Variants in OPCML observed in about 807,000 individuals in gnomAD.
OPCML encodes opioid-binding protein/cell adhesion molecule.
A neutral mutation model predicts 37.8 loss-of-function variants in OPCML; 13 were observed. The ratio of observed to expected loss-of-function variants is 0.34; its 90% CI spans 0.22 to 0.55. The LOEUF is 0.55. OPCML is among the 20% of genes least tolerant of loss of function. OPCML has a pLI of 0.91. For missense variants in OPCML, 341 were observed against 435.6 expected (o/e 0.78, Z 1.93); for synonymous variants, 176 against 168.8 (o/e 1.04, Z -0.33).
chr11:132,428,498 T>G (rs976533278), intron 7 of OPCML, among the ~76,000 whole-genome samples: 18 of 152,202 alleles, frequency 1.2e-4, no homozygotes, highest in African/African-American at 4.1e-4. Flanking sequence ...GATTGATTCT[T>G]CAGCGGAGCT....
At chr11:133,422,591 A>C (rs1303610708) in intron 1 of OPCML, 1 of 956,778 alleles carries the variant, frequency 1.0e-6, no homozygotes, top group Non-Finnish European at 1.2e-6. Context: ...TCCTGGGCTC[A>C]AGCAATCCTG....
chr11:132,619,059 C>T (rs950040570), intron 3 of OPCML, among the ~76,000 whole-genome samples: 4 of 152,020 alleles, frequency 2.6e-5, no homozygotes, highest in East Asian at 3.9e-4. Flanking sequence ...GAAGCTCCTG[C>T]GATGACTGGC....
At chr11:133,417,754 GGGA>G (rs1945800092) in intron 1 of OPCML, among the ~76,000 whole-genome samples, 1 of 151,688 alleles carries the variant, frequency 6.6e-6, no homozygotes, top group Admixed American at 6.6e-5. Flanking sequence ...TAGGAAATTC[GGGA>G]GGAGACCACC....
intron 1 of OPCML, among the ~76,000 whole-genome samples, chr11:133,094,514 G>A (rs1948966977): frequency 1.3e-5 from 2 of 152,136 alleles, no homozygotes; most frequent in Admixed American, 1.3e-4. Context: ...TAGAGCAGGT[G>A]ACAAATGGTA....
At chr11:132,490,668 A>C (rs940486641) in intron 4 of OPCML, among the ~76,000 whole-genome samples, 5 of 151,794 alleles carry the variant, frequency 3.3e-5, no homozygotes, top group African/African-American at 4.8e-5. Flanking sequence ...AATACAAAAA[A>C]ATTAGCCGGG....
At chr11:133,460,997 T>C (rs970159788) in intron 1 of OPCML, among the ~76,000 whole-genome samples, 5 of 151,876 alleles carry the variant, frequency 3.3e-5, no homozygotes, top group Non-Finnish European at 7.4e-5. Context: ...ACATGATCAT[T>C]TCATTTGAGT....
intron 1 of OPCML, among the ~76,000 whole-genome samples, chr11:133,136,815 G>C (rs1169684862): frequency 6.9e-6 from 1 of 145,902 alleles, no homozygotes; most frequent in African/African-American, 2.6e-5. Flanking sequence ...TACCACTGCA[G>C]TTTCTATGTG....
chr11:132,497,083 A>C (rs2508939), intron 4 of OPCML, among the ~76,000 whole-genome samples: 42,992 of 152,050 alleles, frequency 0.28, 6,793 homozygotes, highest in East Asian at 0.62. Flanking sequence ...AAGATCATGT[A>C]TTTTGCAGGG....
Position 133,532,369 on chromosome 11 carries a change from T to TGAA in OPCML, c.-46_-45insTTC. Reference sequence around the variant, plus strand: ...CAGCTGCCGGGCTTGCTACTGCTTCTGCTGCTGCTACCGCTGCTGCCTTCC... The same window carrying TGAA: ...CAGCTGCCGGGCTTGCTACTGCTTCTGAAGCTGCTGCTACCGCTGCTGCCTTCC... On this transcript the variant is annotated 5_prime_UTR_variant, in exon 1 of 8. Transcript: ENST00000524381. 1 of 1,601,090 alleles carries TGAA rather than the reference T, an allele frequency of 6.2e-7. No individual in the cohort carries two copies. Among genetic ancestry groups the TGAA allele is most frequent in the East Asian group, 2.3e-5 (1 of 44,160 alleles).
intron 2 of OPCML, among the ~76,000 whole-genome samples, chr11:132,698,014 A>G (rs1943662989): frequency 1.3e-5 from 1 of 74,480 alleles, no homozygotes. Context: ...TTATTTATTT[A>G]TTTATTTATT....
intron 1 of OPCML, among the ~76,000 whole-genome samples, chr11:133,306,155 A>G (rs1942910976): frequency 6.6e-6 from 1 of 152,188 alleles, no homozygotes. Context: ...AGAAAGACCC[A>G]TAGAAGAACT....
At chr11:133,215,627 G>A (rs1435636101) in intron 1 of OPCML, among the ~76,000 whole-genome samples, 1 of 152,134 alleles carries the variant, frequency 6.6e-6, no homozygotes, top group Non-Finnish European at 1.5e-5. Flanking sequence ...CCTCTGGAGG[G>A]ATGCTCAGAG....
intron 1 of OPCML, among the ~76,000 whole-genome samples, chr11:133,293,275 T>C (rs1338045397): frequency 6.6e-6 from 1 of 152,144 alleles, no homozygotes; most frequent in Non-Finnish European, 1.5e-5. Context: ...CTTTCCATCA[T>C]CCTGGAGATG....
chr11:133,088,297 G>C (rs1052362765), intron 1 of OPCML, among the ~76,000 whole-genome samples: 1 of 152,198 alleles, frequency 6.6e-6, no homozygotes, highest in African/African-American at 2.4e-5. Flanking sequence ...AAGTCACGTA[G>C]TTTCACCTTT....
intron 2 of OPCML, among the ~76,000 whole-genome samples, chr11:132,888,009 T>G (rs1308373784): frequency 6.6e-6 from 1 of 152,196 alleles, no homozygotes; most frequent in African/African-American, 2.4e-5. Context: ...CTTTTCCATT[T>G]ACAGTAGGAT....
At chr11:132,941,533 G>T (rs1357382273) in intron 2 of OPCML, among the ~76,000 whole-genome samples, 2 of 152,168 alleles carry the variant, frequency 1.3e-5, no homozygotes, top group African/African-American at 2.4e-5. Context: ...AATGCGTATT[G>T]GGAAATGTTC....
chr11:133,203,096 G>A (rs1262233464), intron 1 of OPCML, among the ~76,000 whole-genome samples: 2 of 152,220 alleles, frequency 1.3e-5, no homozygotes, highest in Non-Finnish European at 2.9e-5. Context: ...TCAGAGAGAT[G>A]ATAAGTAACT....
chr11:132,825,502 AG>A (rs1425925681), intron 2 of OPCML, among the ~76,000 whole-genome samples: 1 of 152,214 alleles, frequency 6.6e-6, no homozygotes, highest in Non-Finnish European at 1.5e-5. Flanking sequence ...GAGGAAAATG[AG>A]GTAATAATAT....
chr11:132,796,597 G>A (rs534037677), intron 2 of OPCML, among the ~76,000 whole-genome samples: 1 of 120,536 alleles, frequency 8.3e-6, no homozygotes, highest in Non-Finnish European at 1.6e-5. Flanking sequence ...TTTTTGATAC[G>A]GAGCCTCGCT....
Sources: gnomAD v4.1 joint callset for allele counts (sites outside exome capture counted in the v4.1 genomes callset) on GRCh38, gnomAD v4.1.1 for gene constraint, MANE v1.5 for transcripts, NCBI Gene and HGNC (gene_info 2026-07-23, HGNC 2026-07-21) for gene names.